ESR2: variants seen among roughly 807,000 people sequenced by gnomAD.
The protein encoded by ESR2 is estrogen receptor beta.
Under a neutral mutation model 49.6 loss-of-function variants are expected in ESR2, and 36 were observed. The observed-to-expected ratio is 0.73, with a 90% confidence interval of 0.56 to 0.96. The LOEUF is 0.96. ESR2 is among the 40% of genes least tolerant of loss of function. The probability of loss-of-function intolerance (pLI) is 0.00; values close to 1 mark genes in which losing one functional copy is unlikely to be tolerated. For synonymous variants in ESR2, 320 were observed against 266.1 expected, an observed-to-expected ratio of 1.20 and a Z score of -1.97; for missense variants, 714 against 693.0, an observed-to-expected ratio of 1.03 and a Z score of -0.34.
Position 64,260,681 on chromosome 14 carries a change from G to C in ESR2, c.720C>G (p.His240Gln). 5.8e-6 allele frequency: 9 copies of C among 1,558,886 alleles called. No individual in the cohort carries two copies. In the Admixed American group the frequency reaches 9.5e-5, roughly 16 times the overall value. ...RRQRSADEQL[H>Q]CAGKAKRSGG... ...CACTTCTCTTGGCCTTGCCGGCACA[G>C]TGCAGCTGCTCGTCGGCACTTCTCT... Residue 240 changes from histidine to glutamine, a missense_variant, in exon 5 of 9, where the codon CAC becomes CAG. By Grantham distance (24) the His-to-Gln change is conservative. Transcript: ENST00000341099.
chr14:64,236,242 C>T (rs1462280950), intron 7 of ESR2, among the ~76,000 whole-genome samples: 1 of 152,172 alleles, frequency 6.6e-6, no homozygotes, highest in Non-Finnish European at 1.5e-5. Context: ...CCCTAGGGAC[C>T]TCCATAATGT....
chr14:64,270,712 G>C (rs1362720100), intron 3 of ESR2, among the ~76,000 whole-genome samples: 1 of 152,218 alleles, frequency 6.6e-6, no homozygotes, highest in Non-Finnish European at 1.5e-5. Context: ...GTTTGGCCGT[G>C]TTGGCCAGTC....
At chr14:64,306,928 T>C (rs1190414886) in intron 1 of ESR2, among the ~76,000 whole-genome samples, 1 of 152,176 alleles carries the variant, frequency 6.6e-6, no homozygotes, top group Admixed American at 6.5e-5. Context: ...TAGGAAGGTT[T>C]TAAACTACAA....
intron 7 of ESR2, among the ~76,000 whole-genome samples, chr14:64,246,066 G>A (rs1457588502): frequency 1.3e-5 from 2 of 152,204 alleles, no homozygotes; most frequent in Non-Finnish European, 2.9e-5. Context: ...TGGTGGGCCG[G>A]ATGTGGTGGC....
chr14:64,233,348 A>G (rs746537442), intron 8 of ESR2, 25 bp from the exon 9 acceptor site: 22 of 1,597,058 alleles, frequency 1.4e-5, no homozygotes, highest in Middle Eastern at 1.7e-4. Flanking sequence ...AGGTGCTGAG[A>G]TTCCCTCCTC....
chr14:64,240,789 G>C (rs1596373687), intron 7 of ESR2, among the ~76,000 whole-genome samples: 1 of 152,054 alleles, frequency 6.6e-6, no homozygotes, highest in African/African-American at 2.4e-5. Context: ...TATAAAATAG[G>C]CTTTATATTA....
intron 1 of ESR2, among the ~76,000 whole-genome samples, chr14:64,319,512 T>C (rs753213481): frequency 6.6e-4 from 100 of 152,196 alleles, no homozygotes; most frequent in Non-Finnish European, 1.2e-3. Flanking sequence ...GAGATAATTG[T>C]TGCAAAAGAT....
In ESR2 at chr14:64,280,215, G is replaced by GA. The variant is rs5809225; in HGVS notation, c.363-63dup. 481,046 of 1,036,222 alleles carry GA rather than the reference G, an allele frequency of 0.46. 109,085 individuals carry two copies. The highest frequency in any genetic ancestry group is 0.77 in the African/African-American group (46,132 of 59,840). 64.2% of individuals were successfully genotyped at this position (1,036,222 alleles called of 1,614,324 possible). On this transcript the variant is annotated intron_variant, in intron 2 of 8. Coordinates refer to ENST00000341099, the MANE Select transcript of ESR2 (RefSeq NM_001437.3). Reference sequence around the variant, plus strand: ...AAAAGGGAAAGGAAGGGCTTTCTAGGAAAAAAAAATAGCATGAACATTGCC... The same window carrying GA: ...AAAAGGGAAAGGAAGGGCTTTCTAGGAAAAAAAAAATAGCATGAACATTGCC...
chr14:64,227,401 A>ATAAC, downstream of ESR2: 3 of 1,037,802 alleles, frequency 2.9e-6, no homozygotes, highest in Non-Finnish European at 4.2e-6. Context: ...TTTTAACCAC[A>ATAAC]TAACTAACTT....
chr14:64,281,979 TAAG>T (rs1439349463), intron 2 of ESR2, among the ~76,000 whole-genome samples: 3 of 152,236 alleles, frequency 2.0e-5, no homozygotes, highest in African/African-American at 7.2e-5. Context: ...GGTTTCACTA[TAAG>T]AAGACTTTGA....
downstream of ESR2, chr14:64,227,902 C>T: frequency 6.3e-7 from 1 of 1,597,718 alleles, no homozygotes; most frequent in Non-Finnish European, 8.5e-7. Flanking sequence ...AAGATAACTT[C>T]AAATGAATGA....
At chr14:64,274,571 T>C in intron 3 of ESR2, among the ~76,000 whole-genome samples, 1 of 152,190 alleles carries the variant, frequency 6.6e-6, no homozygotes, top group East Asian at 1.9e-4. Context: ...GTCAATCTTT[T>C]GTGTTGTTTT....
chr14:64,331,856 A>C (rs183212277), intron 1 of ESR2, among the ~76,000 whole-genome samples: 1 of 148,660 alleles, frequency 6.7e-6, no homozygotes, highest in Non-Finnish European at 1.5e-5. Flanking sequence ...AATCCTTTGC[A>C]CAGTCTCCTT....
In ESR2 at chr14:64,260,605, C is replaced by CGG; in HGVS notation, c.794_795dup (p.Glu266ProfsTer4). On this transcript the variant is annotated frameshift_variant, in exon 5 of 9. Coordinates refer to ENST00000341099, the MANE Select transcript of ESR2 (RefSeq NM_001437.3). LOFTEE classifies it high-confidence loss of function. ...TCCAGGAGGGTGAGCACTAGCTGCT[C>CGG]GGGGCTCAGGGCGTCCAGCAGCAGC... 6.2e-7 allele frequency: 1 copy of CGG among 1,610,668 alleles called. No homozygotes were observed. The highest frequency in any genetic ancestry group is 8.5e-7 in the Non-Finnish European group (1 of 1,178,162).
At chr14:64,322,746 A>C (rs1349348185) in intron 1 of ESR2, among the ~76,000 whole-genome samples, 3 of 152,208 alleles carry the variant, frequency 2.0e-5, no homozygotes, top group African/African-American at 7.2e-5. Context: ...TAGAATTTAA[A>C]ATACGCACTG....
intron 7 of ESR2, among the ~76,000 whole-genome samples, chr14:64,246,305 C>A (rs975605689): frequency 6.6e-5 from 10 of 152,136 alleles, no homozygotes; most frequent in African/African-American, 1.2e-4. Flanking sequence ...ATGCTGTTCT[C>A]ATGACAGTGA....
chr14:64,287,134 T>C (rs1208885509), intron 1 of ESR2, among the ~76,000 whole-genome samples: 1 of 152,166 alleles, frequency 6.6e-6, no homozygotes, highest in Non-Finnish European at 1.5e-5. Context: ...TTCACATTAT[T>C]GTGCAACCAA....
At chr14:64,251,663 T>A (rs536075687) in intron 6 of ESR2, among the ~76,000 whole-genome samples, 1 of 152,358 alleles carries the variant, frequency 6.6e-6, no homozygotes, top group South Asian at 2.1e-4. Context: ...AGACCATACA[T>A]AACTCATGGA....
chr14:64,302,801 T>A (rs1010861161), intron 1 of ESR2, among the ~76,000 whole-genome samples: 1 of 151,544 alleles, frequency 6.6e-6, no homozygotes, highest in Non-Finnish European at 1.5e-5. Context: ...GTTGTTATTG[T>A]TGTTTTGTTT....
Sources: gnomAD v4.1 joint callset for allele counts (sites outside exome capture counted in the v4.1 genomes callset) on GRCh38, gnomAD v4.1.1 for gene constraint, MANE v1.5 for transcripts, NCBI Gene and HGNC (gene_info 2026-07-23, HGNC 2026-07-21) for gene names.